TMOD1: variants seen among roughly 807,000 people sequenced by gnomAD.
The protein encoded by TMOD1 is tropomodulin 1.
In TMOD1, 17 loss-of-function variants were observed where a neutral mutation model predicts 40.6. The observed-to-expected ratio is 0.42, with a 90% CI of 0.29 to 0.63. The LOEUF (loss-of-function observed/expected upper bound fraction) is 0.63, where lower values mean the gene tolerates loss of function less well. TMOD1 is among the 20% of genes least tolerant of loss of function. The pLI, the probability that TMOD1 is intolerant of heterozygous loss-of-function variation, is 0.22. For missense variants in TMOD1, 391 were observed against 447.6 expected, an observed-to-expected ratio of 0.87 and a Z score of 1.14; for synonymous variants, 181 against 175.0, an observed-to-expected ratio of 1.03 and a Z score of -0.27.
At chr9:97,555,444 C>G in intron 4 of TMOD1, 1 of 1,412,588 alleles carries the variant, frequency 7.1e-7, no homozygotes, top group Non-Finnish European at 9.2e-7. Context: ...TGTGCCAGGT[C>G]AGAGCTGCAA....
intron 4 of TMOD1, among the ~76,000 whole-genome samples, chr9:97,559,772 T>A (rs7868498): frequency 0.052 from 1,919 of 36,708 alleles, 189 homozygotes; most frequent in East Asian, 0.34. Context: ...CTCAAAAATT[T>A]AAAAAAAAAA....
At chr9:97,599,184 T>G (rs1167312241) in intron 9 of TMOD1, among the ~76,000 whole-genome samples, 1 of 145,012 alleles carries the variant, frequency 6.9e-6, no homozygotes, top group Non-Finnish European at 1.6e-5. Context: ...CAGGGTAATC[T>G]TTCGGGTGGA....
At chr9:97,574,483 C>T (rs1347983542) in intron 8 of TMOD1, among the ~76,000 whole-genome samples, 1 of 152,216 alleles carries the variant, frequency 6.6e-6, no homozygotes, top group Non-Finnish European at 1.5e-5. Flanking sequence ...CTGAGCGGCC[C>T]GAACCTCCCC....
rs1458791268 is a variant in TMOD1, at chr9:97,576,403, T to A, written c.870+7366T>A. Among the ~76,000 whole-genome samples the A allele has an allele frequency of 2.0e-5, 3 of 152,302 alleles. No homozygotes were observed. The South Asian group carries it at 6.2e-4, about 32-fold the overall frequency. ...AAGCTGTAGTGAGCTATGATTGCAC[T>A]GCTTTGTGCTGCTGCACTCTAGCCT... is the stretch of plus-strand genomic sequence containing the variant. On this transcript the variant is annotated intron_variant, in intron 8 of 9. Coordinates refer to ENST00000259365, the MANE Select transcript of TMOD1 (RefSeq NM_003275.4).
At chr9:97,523,004 A>C (rs915073192) in intron 1 of TMOD1, among the ~76,000 whole-genome samples, 18 of 152,182 alleles carry the variant, frequency 1.2e-4, no homozygotes, top group African/African-American at 4.1e-4. Flanking sequence ...GGTGGAGTAG[A>C]GAGCACCCTC....
chr9:97,560,494 C>T (rs4743108), intron 4 of TMOD1, among the ~76,000 whole-genome samples: 114,976 of 151,802 alleles, frequency 0.76, 43,737 homozygotes, highest in Middle Eastern at 0.87. Flanking sequence ...AAAAAAAAAT[C>T]TGGTGTTGGC....
At chr9:97,524,497 GGTGTGTGT>G (rs71369515) in intron 2 of TMOD1, among the ~76,000 whole-genome samples, 189 bp downstream of exon 2, 1 of 142,936 alleles carries the variant, frequency 7.0e-6, no homozygotes, top group Non-Finnish European at 1.5e-5. Flanking sequence ...GAACCAATAG[GGTGTGTGT>G]GTGTGTGTGT....
At chr9:97,559,431 C>T (rs1180108346) in intron 4 of TMOD1, among the ~76,000 whole-genome samples, 5 of 151,374 alleles carry the variant, frequency 3.3e-5, no homozygotes, top group African/African-American at 1.2e-4. Flanking sequence ...TTGTGGTTTT[C>T]GACTCTCACT....
intron 1 of TMOD1, among the ~76,000 whole-genome samples, chr9:97,508,471 C>G (rs751102952): frequency 6.6e-6 from 1 of 152,098 alleles, no homozygotes; most frequent in Non-Finnish European, 1.5e-5. Flanking sequence ...ATTACAGGTG[C>G]GAGCCACCGT....
chr9:97,538,865 C>T (rs1269719718), intron 2 of TMOD1, among the ~76,000 whole-genome samples: 1 of 151,726 alleles, frequency 6.6e-6, no homozygotes, highest in Non-Finnish European at 1.5e-5. Context: ...ATTAGCCGGG[C>T]ATGGTGGCAT....
chr9:97,573,896 C>T (rs1830863071), intron 8 of TMOD1, among the ~76,000 whole-genome samples: 1 of 152,194 alleles, frequency 6.6e-6, no homozygotes, highest in South Asian at 2.1e-4. Context: ...CAAAGCACAA[C>T]CCACACTCAA....
In TMOD1 at chr9:97,530,633, G is replaced by A. The variant is rs372287884; in HGVS notation, c.120+6325G>A. On this transcript the variant is annotated intron_variant, in intron 2 of 9. Coordinates refer to ENST00000259365, the MANE Select transcript of TMOD1 (RefSeq NM_003275.4). Reference sequence around the variant, plus strand: ...CTCCCGAGTAGCTGGGACTACAGGCGCCCGCCACCATGCCTGGCTAATTGT... The same window carrying A: ...CTCCCGAGTAGCTGGGACTACAGGCACCCGCCACCATGCCTGGCTAATTGT... Among the ~76,000 whole-genome samples, 539 of 151,816 alleles carry A rather than the reference G, an allele frequency of 3.6e-3. 3 individuals carry two copies. The highest frequency in any genetic ancestry group is 0.013 in the African/African-American group (518 of 41,370).
At chr9:97,567,290 C>G (rs1830742478) in intron 7 of TMOD1, among the ~76,000 whole-genome samples, 1 of 152,214 alleles carries the variant, frequency 6.6e-6, no homozygotes, top group Admixed American at 6.5e-5. Flanking sequence ...GCCCTCAGCT[C>G]AGGTCCACAA....
chr9:97,547,331 A>G (rs1369945093), intron 3 of TMOD1, among the ~76,000 whole-genome samples: 1 of 151,904 alleles, frequency 6.6e-6, no homozygotes, highest in Non-Finnish European at 1.5e-5. Context: ...CCTGCTGCCC[A>G]GCTCCATGCT....
intron 2 of TMOD1, among the ~76,000 whole-genome samples, chr9:97,539,070 CT>C (rs1402625397): frequency 6.6e-6 from 1 of 152,092 alleles, no homozygotes; most frequent in Non-Finnish European, 1.5e-5. Context: ...AAAAACTTTT[CT>C]CTAATTTTAC....
chr9:97,585,130 C>T (rs970852527), intron 8 of TMOD1, among the ~76,000 whole-genome samples: 1 of 152,204 alleles, frequency 6.6e-6, no homozygotes, highest in Non-Finnish European at 1.5e-5. Flanking sequence ...CATGATTTTG[C>T]AGCGGCTGGT....
rs569704285 is a variant in TMOD1 at position 97,598,795 on chromosome 9, T to C, written c.1016-839T>C. On this transcript the variant is annotated intron_variant, in intron 9 of 9. Transcript: ENST00000259365. The stretch of plus-strand genomic sequence containing the variant: ...CTCAGCTTGGGAACCTGAAGACATC[T>C]AAGTATAGACGGACTTTTTTTCCCT... Among the ~76,000 whole-genome samples, 6 of 152,352 alleles carry C rather than the reference T, an allele frequency of 3.9e-5. No homozygotes were observed. The South Asian group carries it at 1.0e-3, about 26-fold the overall frequency.
At chr9:97,568,586 C>T (rs1021425828) in intron 7 of TMOD1, among the ~76,000 whole-genome samples, 9 of 152,114 alleles carry the variant, frequency 5.9e-5, no homozygotes, top group South Asian at 2.1e-4. Flanking sequence ...GGGAAAGCAC[C>T]GAGCAGGCAT....
chr9:97,577,529 C>T (rs1825639183), intron 8 of TMOD1, among the ~76,000 whole-genome samples: 1 of 152,296 alleles, frequency 6.6e-6, no homozygotes, highest in African/African-American at 2.4e-5. Context: ...TGGCTCATGC[C>T]TGTAACCCAG....
Sources: gnomAD v4.1 joint callset for allele counts (sites outside exome capture counted in the v4.1 genomes callset) on GRCh38, gnomAD v4.1.1 for gene constraint, MANE v1.5 for transcripts, NCBI Gene and HGNC (gene_info 2026-07-23, HGNC 2026-07-21) for gene names.